The following PATJ variants were observed in gnomAD, a reference collection of about 807,000 sequenced individuals.
PATJ encodes PATJ crumbs cell polarity complex component.
A neutral mutation model predicts 224.9 loss-of-function variants in PATJ; 190 were observed. That is an observed-to-expected ratio of 0.84 (90% confidence interval 0.75 to 0.95). PATJ has a LOEUF of 0.95. Among genes scored for constraint, PATJ ranks in the 40% least tolerant of loss-of-function variants. The probability of loss-of-function intolerance (pLI) is 0.00; values close to 1 mark genes in which losing one functional copy is unlikely to be tolerated. For missense variants in PATJ, 2,121 were observed against 2,270.3 expected (o/e 0.93, Z 1.34); for synonymous variants, 769 against 820.3 (o/e 0.94, Z 1.07).
chr1:62,087,095 G>A (rs1372812816), intron 33 of PATJ, among the ~76,000 whole-genome samples: 6 of 152,130 alleles, frequency 3.9e-5, no homozygotes, highest in African/African-American at 1.4e-4. Flanking sequence ...TGAGTCCCAA[G>A]CTCCTGTCCG....
intron 15 of PATJ, among the ~76,000 whole-genome samples, chr1:61,826,100 C>G (rs1201145627): frequency 6.6e-6 from 1 of 152,220 alleles, no homozygotes; most frequent in African/African-American, 2.4e-5. Flanking sequence ...GTAGAGCTAG[C>G]TTCCTAAAGT....
At chr1:62,009,774 G>A (rs115607100) in intron 28 of PATJ, among the ~76,000 whole-genome samples, 1,637 of 152,084 alleles carry the variant, frequency 0.011, 14 homozygotes, top group Middle Eastern at 0.041. Flanking sequence ...CATCTCCACC[G>A]GGAGATTTCA....
chr1:62,003,488 A>G (rs1013768256), intron 28 of PATJ, among the ~76,000 whole-genome samples: 5 of 152,154 alleles, frequency 3.3e-5, no homozygotes, highest in African/African-American at 9.7e-5. Flanking sequence ...AATGAATGTG[A>G]TCCTTTGGAA....
chr1:61,970,848 A>C (rs1682877376), intron 27 of PATJ, among the ~76,000 whole-genome samples: 1 of 151,720 alleles, frequency 6.6e-6, no homozygotes, highest in Non-Finnish European at 1.5e-5. Flanking sequence ...AGATACTATC[A>C]TCAAAGTATT....
intron 24 of PATJ, among the ~76,000 whole-genome samples, chr1:61,901,695 TTAAC>T (rs369085591): frequency 2.2e-4 from 33 of 152,240 alleles, no homozygotes; most frequent in African/African-American, 5.8e-4. Context: ...AAAAAACACT[TTAAC>T]TAACAAAGGG....
At chr1:62,074,954 G>A (rs61777670) in intron 31 of PATJ, among the ~76,000 whole-genome samples, 40,330 of 151,972 alleles carry the variant, frequency 0.27, 6,079 homozygotes, top group South Asian at 0.42. Flanking sequence ...ACAGACCAGG[G>A]CTCTGTCTCA....
chr1:61,777,131 AT>A (rs1646959598), intron 7 of PATJ, among the ~76,000 whole-genome samples: 1 of 152,224 alleles, frequency 6.6e-6, no homozygotes, highest in African/African-American at 2.4e-5. Context: ...TTTCTTGAGA[AT>A]GGATGATGTG....
chr1:62,006,941 A>G (rs1042030529), intron 28 of PATJ, among the ~76,000 whole-genome samples: 3 of 152,220 alleles, frequency 2.0e-5, no homozygotes, highest in African/African-American at 7.2e-5. Context: ...TTCCCAGGCT[A>G]TAAACCTGGG....
intron 29 of PATJ, among the ~76,000 whole-genome samples, chr1:62,034,240 C>T (rs1007779805): frequency 2.0e-5 from 3 of 152,034 alleles, no homozygotes; most frequent in Non-Finnish European, 2.9e-5. Context: ...GCCAGGACCT[C>T]AAGACCAGCA....
chr1:61,917,422 G>A (rs915757566), intron 26 of PATJ, among the ~76,000 whole-genome samples: 3 of 152,098 alleles, frequency 2.0e-5, no homozygotes, highest in Non-Finnish European at 4.4e-5. Context: ...AATGGCACTG[G>A]CATTGAATTT....
At chr1:61,981,036 C>G (rs1451950636) in intron 27 of PATJ, among the ~76,000 whole-genome samples, 1 of 151,932 alleles carries the variant, frequency 6.6e-6, no homozygotes, top group Non-Finnish European at 1.5e-5. Context: ...GGGAGGCAGC[C>G]TAGGAGGCTG....
chr1:62,105,473 A>T (rs550324981), intron 33 of PATJ, among the ~76,000 whole-genome samples: 1 of 152,288 alleles, frequency 6.6e-6, no homozygotes, highest in East Asian at 1.9e-4. Flanking sequence ...TTCTCCTCGT[A>T]CTACCTTAAT....
chr1:61,748,502 C>T (rs945143777), intron 1 of PATJ, among the ~76,000 whole-genome samples: 10 of 151,438 alleles, frequency 6.6e-5, no homozygotes, highest in African/African-American at 2.2e-4. Context: ...GTGATACGCC[C>T]GCCTCAGCCT....
intron 27 of PATJ, among the ~76,000 whole-genome samples, chr1:61,930,186 C>T (rs941191351): frequency 6.6e-6 from 1 of 152,146 alleles, no homozygotes; most frequent in South Asian, 2.1e-4. Context: ...CCCCATTTTA[C>T]ACCCCATTAA....
chr1:61,932,174 C>A (rs1240979897), intron 27 of PATJ, among the ~76,000 whole-genome samples: 1 of 152,108 alleles, frequency 6.6e-6, no homozygotes, highest in African/African-American at 2.4e-5. Flanking sequence ...CCCTGCCTGC[C>A]CCCCCAACAC....
chr1:61,971,676 A>G, intron 27 of PATJ, among the ~76,000 whole-genome samples: 1 of 151,920 alleles, frequency 6.6e-6, no homozygotes. Context: ...GAAGCTGTTA[A>G]AAGAAATATT....
chr1:61,896,402 G>T (rs988478703), intron 22 of PATJ, among the ~76,000 whole-genome samples: 5 of 152,054 alleles, frequency 3.3e-5, no homozygotes, highest in African/African-American at 9.7e-5. Context: ...CATTAGGAAT[G>T]AAAACATTTA....
chr1:61,871,489 ATATG>A (rs369166147), intron 20 of PATJ, among the ~76,000 whole-genome samples: 14 of 119,430 alleles, frequency 1.2e-4, no homozygotes, highest in African/African-American at 1.6e-4. Flanking sequence ...ATATGTGTAT[ATATG>A]TATATATACA....
intron 27 of PATJ, among the ~76,000 whole-genome samples, chr1:61,939,849 T>C (rs1677523830): frequency 6.6e-6 from 1 of 151,812 alleles, no homozygotes; most frequent in Non-Finnish European, 1.5e-5. Context: ...AATTTTTATA[T>C]TTTTAGTAGA....
Sources: allele counts gnomAD v4.1 joint callset (sites outside exome capture counted in the v4.1 genomes callset), GRCh38; gene constraint gnomAD v4.1.1; transcripts MANE v1.5; gene names NCBI Gene and HGNC (gene_info 2026-07-23, HGNC 2026-07-21).